PSKH1: variants seen among roughly 807,000 people sequenced by gnomAD.
PSKH1 encodes the protein serine/threonine-protein kinase H1.
Under a neutral mutation model 26.7 loss-of-function variants are expected in PSKH1, and 12 were observed. The observed-to-expected ratio is 0.45, with a 90% CI of 0.29 to 0.73. The LOEUF is 0.73. PSKH1 is among the 30% of genes least tolerant of loss of function. The pLI is 0.11. For missense variants in PSKH1, 431 were observed against 595.2 expected, an observed-to-expected ratio of 0.72 and a Z score of 2.87; for synonymous variants, 213 against 234.3, an observed-to-expected ratio of 0.91 and a Z score of 0.83.
At chr16:67,925,156 T>A (rs1327683063) in intron 2 of PSKH1, among the ~76,000 whole-genome samples, 2 of 151,912 alleles carry the variant, frequency 1.3e-5, no homozygotes, top group Non-Finnish European at 2.9e-5. Context: ...AGCTGTCTAG[T>A]CCAGTTGCCC....
intron 1 of PSKH1, among the ~76,000 whole-genome samples, chr16:67,895,391 A>T (rs2058123542): frequency 6.6e-6 from 1 of 150,568 alleles, no homozygotes; most frequent in African/African-American, 2.5e-5. Flanking sequence ...GATGAAGAAG[A>T]TCTGGGGTAG....
chr16:67,894,605 T>G (rs980139387), intron 1 of PSKH1, among the ~76,000 whole-genome samples: 1 of 152,206 alleles, frequency 6.6e-6, no homozygotes, highest in African/African-American at 2.4e-5. Context: ...ATGTAACCAT[T>G]AACTCCTCTA....
At chr16:67,897,553 G>C (rs145166122) in intron 1 of PSKH1, among the ~76,000 whole-genome samples, 3 of 152,312 alleles carry the variant, frequency 2.0e-5, no homozygotes, top group Non-Finnish European at 4.4e-5. Context: ...AGTTCCTTAA[G>C]ATTAGAGACT....
intron 1 of PSKH1, among the ~76,000 whole-genome samples, chr16:67,903,575 C>T (rs1031638435): frequency 1.3e-5 from 2 of 151,954 alleles, no homozygotes; most frequent in African/African-American, 4.8e-5. Context: ...TTAAGCGATT[C>T]TCCTGTCTCA....
intron 2 of PSKH1, among the ~76,000 whole-genome samples, chr16:67,914,044 G>A (rs2058180102): frequency 6.6e-6 from 1 of 152,212 alleles, no homozygotes; most frequent in South Asian, 2.1e-4. Context: ...CTGAGGGACA[G>A]GTTCATATAT....
chr16:67,908,269 G>GT (rs918505861), intron 1 of PSKH1, among the ~76,000 whole-genome samples: 2 of 152,036 alleles, frequency 1.3e-5, no homozygotes, highest in Admixed American at 6.5e-5. Flanking sequence ...CAGGACTTCA[G>GT]TTTTTTGTTT....
At chr16:67,894,782 C>G (rs1377948215) in intron 1 of PSKH1, among the ~76,000 whole-genome samples, 1 of 151,874 alleles carries the variant, frequency 6.6e-6, no homozygotes, top group Non-Finnish European at 1.5e-5. Flanking sequence ...GAGCACCTAT[C>G]AGGGCTAGGA....
intron 2 of PSKH1, among the ~76,000 whole-genome samples, chr16:67,911,557 C>A (rs1183271003): frequency 1.3e-5 from 2 of 152,228 alleles, no homozygotes; most frequent in Non-Finnish European, 2.9e-5. Context: ...CAGCGGGCAC[C>A]TATAATCCCA....
At chr16:67,917,685 A>C (rs923269431) in intron 2 of PSKH1, among the ~76,000 whole-genome samples, 1 of 152,206 alleles carries the variant, frequency 6.6e-6, no homozygotes, top group Non-Finnish European at 1.5e-5. Flanking sequence ...AGACTCCAGG[A>C]GGAAGCAGAG....
At position 67,909,006 on chromosome 16, in the gene PSKH1, AC is replaced by A; in HGVS notation, c.258del (p.Tyr86Ter). 6.2e-7 allele frequency: 1 copy of A among 1,614,160 alleles called. No homozygotes were observed. The highest frequency in any genetic ancestry group is 8.5e-7 in the Non-Finnish European group (1 of 1,180,022). On this transcript the variant is annotated frameshift_variant, in exon 2 of 3. Transcript: ENST00000291041. LOFTEE classifies it high-confidence loss of function. This position sits in a 1 kb window ranked among gnomAD's most constrained non-coding sequence, Gnocchi z 7.8. ...CCACGCAGGGCCAGGGTAGCTAAGT[AC>A]AGGGCCAAGTTTGACCCACGTGTTA... ...EPPRRARVAK[Y>X]RAKFDPRVTA...
At chr16:67,906,642 G>A (rs995923014) in intron 1 of PSKH1, among the ~76,000 whole-genome samples, 3 of 152,136 alleles carry the variant, frequency 2.0e-5, no homozygotes, top group Admixed American at 1.3e-4. Context: ...TGGGATTACA[G>A]GTGTGAGCTA....
At position 67,929,196 on chromosome 16, in the gene PSKH1, G is replaced by A. The variant is rs918586121; in HGVS notation, c.*1554G>A. 1 of 152,562 alleles carries A rather than the reference G, an allele frequency of 6.6e-6. No homozygotes were observed. Among genetic ancestry groups the A allele is most frequent in the South Asian group, 2.1e-4 (1 of 4,834 alleles). The allele number at this position is 152,562 out of a possible 1,614,324, so 9.5% of individuals were successfully genotyped here. On this transcript the variant is annotated 3_prime_UTR_variant, in exon 3 of 3. Transcript: ENST00000291041. ...GGCCCAGCTTTGGCCTTAGCTTGAC[G>A]GCAGGGCCCCTGCCATTGCAGGAGG...
intron 2 of PSKH1, among the ~76,000 whole-genome samples, chr16:67,916,542 G>C (rs2058188408): frequency 6.6e-6 from 1 of 152,192 alleles, no homozygotes; most frequent in Non-Finnish European, 1.5e-5. Context: ...CAGAGCAGAG[G>C]TTGAAGAGGC....
intron 1 of PSKH1, among the ~76,000 whole-genome samples, chr16:67,898,535 G>A (rs1451964966): frequency 2.0e-5 from 3 of 152,012 alleles, no homozygotes; most frequent in African/African-American, 4.8e-5. Flanking sequence ...ATAGTTGTGT[G>A]CCACTGCGTC....
intron 2 of PSKH1, among the ~76,000 whole-genome samples, chr16:67,911,031 A>G (rs2058171814): frequency 6.6e-6 from 1 of 152,194 alleles, no homozygotes; most frequent in Admixed American, 6.5e-5. Flanking sequence ...CTTAGGAAGG[A>G]TGCTGACTGG....
Position 67,909,769 on chromosome 16 carries a change from G to C in PSKH1, c.957+63G>C. On this transcript the variant is annotated intron_variant, in intron 2 of 2. Coordinates refer to ENST00000291041, the MANE Select transcript of PSKH1 (RefSeq NM_006742.3). The surrounding 1 kb of genome is among the most constrained non-coding windows in gnomAD (Gnocchi z 7.8). ...GCACCTGCGGGGGCAGGTATATCCT[G>C]CAGCTCTCAGTCAGAGGTATGTCCT... 1 of 1,450,184 alleles carries C rather than the reference G, an allele frequency of 6.9e-7. No homozygotes were observed. Among genetic ancestry groups the C allele is most frequent in the Non-Finnish European group, 9.4e-7 (1 of 1,059,698 alleles). 89.8% of individuals were successfully genotyped at this position (1,450,184 alleles called of 1,614,324 possible).
rs905818512 is a variant in PSKH1 at position 67,928,407 on chromosome 16, C to T, written c.*765C>T. 1.3e-5 allele frequency: 2 copies of T among 152,682 alleles called. No individual in the cohort carries two copies. The highest frequency in any genetic ancestry group is 6.5e-5 in the Admixed American group (1 of 15,276). 9.5% of individuals were successfully genotyped at this position (152,682 alleles called of 1,614,324 possible). ...GCCCTTGGTGCCTTCTTTGTAGAGC[C>T]CACCGCTACCTCCCTCTCCCCGTTG... On this transcript the variant is annotated 3_prime_UTR_variant, in exon 3 of 3. Transcript: ENST00000291041. The surrounding 1 kb of genome is among the most constrained non-coding windows in gnomAD (Gnocchi z 4.8).
chr16:67,911,756 A>G (rs1268013849), intron 2 of PSKH1, among the ~76,000 whole-genome samples: 2 of 152,184 alleles, frequency 1.3e-5, no homozygotes, highest in Non-Finnish European at 2.9e-5. Context: ...CCTGTGCTGT[A>G]TCACCTTCCC....
intron 2 of PSKH1, among the ~76,000 whole-genome samples, chr16:67,915,821 T>C (rs1567400711): frequency 1.3e-5 from 2 of 152,136 alleles, no homozygotes; most frequent in Non-Finnish European, 2.9e-5. Context: ...TTTTTTGTTA[T>C]TGTTGTTCTC....
Sources: allele counts gnomAD v4.1 joint callset (sites outside exome capture counted in the v4.1 genomes callset), GRCh38; gene constraint gnomAD v4.1.1; non-coding constraint Gnocchi (gnomAD v3.1); transcripts MANE v1.5; gene names NCBI Gene and HGNC (gene_info 2026-07-23, HGNC 2026-07-21).